Variants in ZNF710 observed in about 807,000 individuals in gnomAD.
ZNF710 encodes zinc finger protein 710.
Under a neutral mutation model 50.6 loss-of-function variants are expected in ZNF710, and 13 were observed. That is an observed-to-expected ratio of 0.26 (90% confidence interval 0.17 to 0.41). ZNF710 has a LOEUF of 0.41. Among genes scored for constraint, ZNF710 ranks in the 10% least tolerant of loss-of-function variants. ZNF710 has a pLI of 1.00. For missense variants in ZNF710, 721 were observed against 936.6 expected, an observed-to-expected ratio of 0.77 and a Z score of 3.01; for synonymous variants, 383 against 397.0, an observed-to-expected ratio of 0.96 and a Z score of 0.42.
chr15:90,004,834 C>T (rs192783887), intron 1 of ZNF710, among the ~76,000 whole-genome samples: 8 of 152,368 alleles, frequency 5.3e-5, no homozygotes, highest in Non-Finnish European at 1.2e-4. Flanking sequence ...TGGAGCGCCT[C>T]ATTTTCCAGA....
intron 1 of ZNF710, among the ~76,000 whole-genome samples, chr15:90,015,020 G>A (rs1234520808): frequency 1.3e-5 from 2 of 151,788 alleles, no homozygotes; most frequent in Non-Finnish European, 2.9e-5. Flanking sequence ...AGCCTCCTGA[G>A]TAGCTGGGAT....
At chr15:90,043,163 A>G (rs949759621) in intron 1 of ZNF710, among the ~76,000 whole-genome samples, 1 of 152,244 alleles carries the variant, frequency 6.6e-6, no homozygotes, top group African/African-American at 2.4e-5. Context: ...AACTGGGTGG[A>G]CACGGCCCAG....
At chr15:90,079,515 G>A in intron 4 of ZNF710, 145 bp from the exon 5 acceptor site, 2 of 1,000,068 alleles carry the variant, frequency 2.0e-6, no homozygotes, top group East Asian at 2.7e-5. Context: ...GCGTCCGAGG[G>A]TGGGAAGGCT....
chr15:90,019,734 C>T (rs1174689978), intron 1 of ZNF710, among the ~76,000 whole-genome samples: 3 of 152,170 alleles, frequency 2.0e-5, no homozygotes, highest in African/African-American at 4.8e-5. Flanking sequence ...GAGGGCTGGG[C>T]CCAGAGACCC....
At chr15:90,045,449 C>T in intron 1 of ZNF710, 1 of 958,248 alleles carries the variant, frequency 1.0e-6, no homozygotes, top group Non-Finnish European at 1.2e-6. Context: ...CTAGTGAGGT[C>T]AACACTGAGG....
chr15:90,006,694 A>C (rs146545819), intron 1 of ZNF710: 1 of 154,114 alleles, frequency 6.5e-6, no homozygotes, highest in Non-Finnish European at 1.5e-5. Context: ...AGGGTGGTAC[A>C]GTTCATTAAC....
chr15:90,005,552 G>C (rs765530861), intron 1 of ZNF710, among the ~76,000 whole-genome samples: 1 of 152,114 alleles, frequency 6.6e-6, no homozygotes, highest in Non-Finnish European at 1.5e-5. Context: ...GGCTTCAAGC[G>C]ATTCTCCTGC....
chr15:90,070,203 GAA>G (rs1266011902), intron 2 of ZNF710, among the ~76,000 whole-genome samples: 2 of 152,196 alleles, frequency 1.3e-5, no homozygotes, highest in African/African-American at 4.8e-5. Flanking sequence ...GTAATGTCAA[GAA>G]AGAGTCTAGC....
intron 1 of ZNF710, among the ~76,000 whole-genome samples, chr15:90,044,035 A>G (rs975747378): frequency 2.6e-5 from 4 of 152,166 alleles, no homozygotes; most frequent in African/African-American, 7.2e-5. Context: ...GAGGGAGAAT[A>G]TGTTTTTTCT....
At chr15:90,003,496 C>T (rs1898066418) in intron 1 of ZNF710, among the ~76,000 whole-genome samples, 1 of 152,074 alleles carries the variant, frequency 6.6e-6, no homozygotes. Flanking sequence ...TCATTTCTGC[C>T]AAGTAGAGGG....
intron 3 of ZNF710, among the ~76,000 whole-genome samples, chr15:90,073,752 G>A (rs1567245738): frequency 6.6e-6 from 1 of 152,092 alleles, no homozygotes; most frequent in Non-Finnish European, 1.5e-5. Flanking sequence ...ATTTTGGGAG[G>A]CTGAGGTGGG....
At chr15:90,012,874 A>G (rs1898351600) in intron 1 of ZNF710, among the ~76,000 whole-genome samples, 1 of 152,072 alleles carries the variant, frequency 6.6e-6, no homozygotes, top group Admixed American at 6.6e-5. Flanking sequence ...TTTTTCAAAT[A>G]TGCTCGGTCT....
intron 1 of ZNF710, among the ~76,000 whole-genome samples, chr15:90,065,703 T>C (rs1361642439): frequency 6.6e-6 from 1 of 152,176 alleles, no homozygotes; most frequent in East Asian, 1.9e-4. Flanking sequence ...GCCGCTGTGC[T>C]GGGGGTTTGT....
intron 4 of ZNF710, among the ~76,000 whole-genome samples, chr15:90,077,900 C>T (rs1022230959): frequency 1.5e-5 from 2 of 133,240 alleles, no homozygotes; most frequent in African/African-American, 5.4e-5. Context: ...TAGAGCAAGA[C>T]CTTGTCAAAA....
intron 1 of ZNF710, among the ~76,000 whole-genome samples, chr15:90,039,533 G>T (rs372978177): frequency 6.6e-6 from 1 of 152,140 alleles, no homozygotes; most frequent in Non-Finnish European, 1.5e-5. Context: ...GATCCAATAC[G>T]TGCTTGGCTG....
chr15:90,009,356 C>T (rs1200556895), intron 1 of ZNF710, among the ~76,000 whole-genome samples: 1 of 152,084 alleles, frequency 6.6e-6, no homozygotes, highest in Non-Finnish European at 1.5e-5. Context: ...GATGTCCGAT[C>T]CTCGGGCCCT....
chr15:90,067,635 C>T lies in ZNF710; in HGVS notation c.498C>T (p.Arg166=), dbSNP rs1327481929. The T allele has an allele frequency of 6.2e-7, 1 of 1,612,546 alleles. No individual in the cohort carries two copies. Among genetic ancestry groups the T allele is most frequent in the Admixed American group, 1.7e-5 (1 of 59,872 alleles). Residue 166 remains arginine, a synonymous_variant, in exon 2 of 5, where the codon CGC becomes CGT. Coordinates refer to ENST00000268154, the MANE Select transcript of ZNF710 (RefSeq NM_198526.4). The surrounding 1 kb of genome is among the most constrained non-coding windows in gnomAD (Gnocchi z 8.1). Reference sequence around the variant, plus strand: ...TGATCGACCTCAGCGCCTTCAGCCGCAAGCCCCGGACGCTCCGGCATCTGC... The same window carrying T: ...TGATCGACCTCAGCGCCTTCAGCCGTAAGCCCCGGACGCTCCGGCATCTGC... ...VKMIDLSAFS[R]KPRTLRHLPR...
In ZNF710 at chr15:90,073,045, C is replaced by T. The variant is rs754771172; in HGVS notation, c.1459-26C>T. 6.2e-6 allele frequency: 10 copies of T among 1,606,288 alleles called. No individual in the cohort carries two copies. In the East Asian group the frequency reaches 2.2e-4, roughly 36 times the overall value. The stretch of plus-strand genomic sequence containing the variant: ...CCAGAGGCTGTGCCCATTGTGTGGC[C>T]CTGACCATCACCCCCCACCCCACAG... On this transcript the variant is annotated intron_variant, in intron 2 of 4. Coordinates refer to ENST00000268154, the MANE Select transcript of ZNF710 (RefSeq NM_198526.4).
intron 2 of ZNF710, among the ~76,000 whole-genome samples, chr15:90,070,590 T>C (rs752710550): frequency 1.3e-5 from 2 of 150,294 alleles, no homozygotes; most frequent in Non-Finnish European, 3.0e-5. Context: ...GAGATTCCAG[T>C]GAGCCGAGAT....
Sources: gnomAD v4.1 joint callset for allele counts (sites outside exome capture counted in the v4.1 genomes callset) on GRCh38, gnomAD v4.1.1 for gene constraint, Gnocchi (gnomAD v3.1) non-coding constraint, MANE v1.5 for transcripts, NCBI Gene and HGNC (gene_info 2026-07-23, HGNC 2026-07-21) for gene names.